RORB: variants seen among roughly 807,000 people sequenced by gnomAD.
The protein encoded by RORB is nuclear receptor ROR-beta.
RORB carries 6 observed loss-of-function variants against 59.1 expected under a neutral mutation model. That is an observed-to-expected ratio of 0.10 (90% confidence interval 0.06 to 0.20). The LOEUF (loss-of-function observed/expected upper bound fraction) is 0.20, where lower values mean the gene tolerates loss of function less well. Among genes scored for constraint, RORB ranks in the 10% least tolerant of loss-of-function variants. The pLI is 1.00. For synonymous variants in RORB, 215 were observed against 204.5 expected, an observed-to-expected ratio of 1.05 and a Z score of -0.44; for missense variants, 320 against 560.5, an observed-to-expected ratio of 0.57 and a Z score of 4.33.
At position 74,620,785 on chromosome 9, in the gene RORB, G is replaced by T. The variant is rs570515870; in HGVS notation, c.8-9497G>T. On this transcript the variant is annotated intron_variant, in intron 1 of 9. Coordinates refer to ENST00000376896, the MANE Select transcript of RORB (RefSeq NM_006914.4). ...GGTTTCAAAGAACATCTTTATTTCT[G>T]CCTTCATTTCGTTATGTACCCAGTA... Among the ~76,000 whole-genome samples the T allele has an allele frequency of 2.6e-5, 4 of 152,226 alleles. No individual in the cohort carries two copies. In the South Asian group the frequency reaches 8.3e-4, roughly 32 times the overall value.
At chr9:74,541,279 C>CAAAAAAAAAAAAAAAAAAA (rs374556016) in intron 1 of RORB, among the ~76,000 whole-genome samples, 8 of 43,572 alleles carry the variant, frequency 1.8e-4, no homozygotes, top group African/African-American at 9.6e-4. Context: ...GACTCCATCT[C>CAAAAAAAAAAAAAAAAAAA]AAAAAAAAAA....
At chr9:74,679,515 T>C (rs967912716) in intron 9 of RORB, among the ~76,000 whole-genome samples, 1 of 152,068 alleles carries the variant, frequency 6.6e-6, no homozygotes, top group East Asian at 1.9e-4. Context: ...AAATTTCAAA[T>C]CTAGACTGAA....
chr9:74,677,072 C>A (rs1453370562), intron 9 of RORB, among the ~76,000 whole-genome samples: 1 of 152,160 alleles, frequency 6.6e-6, no homozygotes, highest in Non-Finnish European at 1.5e-5. Context: ...AAACACTAGG[C>A]ATTTCCCCGG....
At chr9:74,525,454 C>G (rs1188085668) in intron 1 of RORB, among the ~76,000 whole-genome samples, 1 of 151,918 alleles carries the variant, frequency 6.6e-6, no homozygotes, top group African/African-American at 2.4e-5. Context: ...TGTATTGTTA[C>G]TCTTTCATAG....
chr9:74,667,662 T>TA (rs1241142129), intron 7 of RORB, 129 bp from the exon 8 acceptor site: 5 of 578,186 alleles, frequency 8.6e-6, no homozygotes, highest in Admixed American at 2.9e-5. Context: ...ATTAGAAACT[T>TA]AAAAAAATAT....
intron 1 of RORB, among the ~76,000 whole-genome samples, chr9:74,599,008 C>T (rs112276061): frequency 1.3e-5 from 2 of 152,286 alleles, no homozygotes; most frequent in Admixed American, 6.5e-5. Flanking sequence ...ATCTCTCTCA[C>T]GACCATGAGA....
chr9:74,539,868 C>CAAAAAA (rs11322021), intron 1 of RORB, among the ~76,000 whole-genome samples: 1 of 113,614 alleles, frequency 8.8e-6, no homozygotes. Context: ...CTTAACCTCT[C>CAAAAAA]AAAAAAAAAA....
intron 1 of RORB, among the ~76,000 whole-genome samples, chr9:74,527,564 T>A (rs1432313681): frequency 6.6e-6 from 1 of 152,008 alleles, no homozygotes; most frequent in East Asian, 1.9e-4. Flanking sequence ...TATGACAAAA[T>A]TTAAACAACA....
chr9:74,646,051 A>G (rs1587403731), intron 4 of RORB, among the ~76,000 whole-genome samples: 2 of 152,204 alleles, frequency 1.3e-5, no homozygotes, highest in East Asian at 3.9e-4. Context: ...GCTGCCATAG[A>G]AAAAAACCCT....
intron 4 of RORB, among the ~76,000 whole-genome samples, chr9:74,653,429 G>A (rs1173626850): frequency 6.6e-6 from 1 of 151,588 alleles, no homozygotes; most frequent in Non-Finnish European, 1.5e-5. Flanking sequence ...GCTGAGATAC[G>A]GTATTTTTAG....
chr9:74,533,284 C>A (rs991782391), intron 1 of RORB, among the ~76,000 whole-genome samples: 13 of 151,984 alleles, frequency 8.6e-5, no homozygotes, highest in Admixed American at 3.9e-4. Context: ...TTTCCTGGGG[C>A]TTTCCTCATA....
At chr9:74,525,533 C>T (rs556239333) in intron 1 of RORB, among the ~76,000 whole-genome samples, 2 of 151,990 alleles carry the variant, frequency 1.3e-5, no homozygotes, top group Admixed American at 1.3e-4. Context: ...TTACATTTCA[C>T]ATTTTATTAA....
At position 74,667,855 on chromosome 9, in the gene RORB, C is replaced by T. The variant is rs371575898; in HGVS notation, c.1065C>T (p.Thr355=). 4.3e-6 allele frequency: 7 copies of T among 1,613,402 alleles called. No homozygotes were observed. Among genetic ancestry groups the T allele is most frequent in the African/African-American group, 1.3e-5 (1 of 74,840 alleles). The change falls in exon 8 of 10, where the codon ACC becomes ACT. Residue 355 remains threonine (T), a synonymous_variant. Transcript: ENST00000376896. Reference sequence around the variant, plus strand: ...AGAATTTGTGTTCCTTGCAGCTGACCGAGGAGGAGATCGCTTTGTTCTCAT... The same window carrying T: ...AGAATTTGTGTTCCTTGCAGCTGACTGAGGAGGAGATCGCTTTGTTCTCAT... ...FAKNLCSLQL[T]EEEIALFSSA...
intron 1 of RORB, among the ~76,000 whole-genome samples, chr9:74,615,369 T>C (rs865858398): frequency 5.9e-5 from 9 of 152,196 alleles, no homozygotes; most frequent in Middle Eastern, 3.2e-3. Context: ...AGCGAATAAG[T>C]AGCATCAAAA....
intron 1 of RORB, among the ~76,000 whole-genome samples, chr9:74,590,104 A>T (rs948860198): frequency 2.0e-4 from 30 of 152,208 alleles, no homozygotes; most frequent in African/African-American, 7.0e-4. Context: ...AGTATTTAAA[A>T]TCCTGCTGGG....
At chr9:74,625,993 G>C (rs576873070) in intron 1 of RORB, among the ~76,000 whole-genome samples, 1 of 152,300 alleles carries the variant, frequency 6.6e-6, no homozygotes, top group South Asian at 2.1e-4. Context: ...TAACTCATTA[G>C]CTGGATTAGT....
intron 1 of RORB, among the ~76,000 whole-genome samples, chr9:74,578,889 A>G (rs928421061): frequency 6.6e-6 from 1 of 152,074 alleles, no homozygotes; most frequent in Admixed American, 6.6e-5. Context: ...ATGTTTCAGC[A>G]TGTCCTCATC....
intron 7 of RORB, 86 bp downstream of exon 7, chr9:74,665,681 G>A: frequency 1.2e-6 from 1 of 844,382 alleles, no homozygotes; most frequent in East Asian, 2.5e-5. Context: ...GAAATGCCTT[G>A]ATTCTTTGAT....
At chr9:74,572,087 G>A (rs1822562202) in intron 1 of RORB, among the ~76,000 whole-genome samples, 1 of 152,128 alleles carries the variant, frequency 6.6e-6, no homozygotes, top group African/African-American at 2.4e-5. Context: ...ACTCTTGCTA[G>A]GGTTTAGTGA....
Sources: allele counts gnomAD v4.1 joint callset (sites outside exome capture counted in the v4.1 genomes callset), GRCh38; gene constraint gnomAD v4.1.1; transcripts MANE v1.5; gene names NCBI Gene and HGNC (gene_info 2026-07-23, HGNC 2026-07-21).